The following ERVV-2 variants were observed in gnomAD, a reference collection of about 807,000 sequenced individuals.
The protein encoded by ERVV-2 is endogenous retrovirus group V member 2, envelope.
For synonymous variants in ERVV-2, 105 were observed against 184.6 expected (o/e 0.57, Z 3.49); for missense variants, 291 against 495.1 (o/e 0.59, Z 3.91).
chr19:53,048,748 T>C (rs1356082924), intron 1 of ERVV-2, 119 bp from the exon 2 acceptor site: 1 of 188,776 alleles, frequency 5.3e-6, no homozygotes, highest in Non-Finnish European at 1.1e-5. Flanking sequence ...CTCTTGACCC[T>C]TTCAGGAATC....
rs572560166 is a variant in ERVV-2, at chr19:53,050,489, G to A, written c.1238G>A (p.Ser413Asn). 4.2e-6 allele frequency: 3 copies of A among 721,634 alleles called. No homozygotes were observed. The East Asian group carries it at 8.0e-5, about 19-fold the overall frequency. The allele number at this position is 721,634 out of a possible 1,614,324, so 44.7% of individuals were successfully genotyped here. ...TCCTGTTGCGTTTATGTCAATAACA[G>A]TGGGGCGATAGAGGAGGATATAAAA... is the stretch of plus-strand genomic sequence containing the variant. ...NKSCCVYVNN[S>N]GAIEEDIKKI... The change falls in exon 2 of 2, where the codon AGT becomes AAT. Residue 413 changes from serine to asparagine, a missense_variant. By Grantham distance (46) the Ser-to-Asn change is conservative. Coordinates refer to ENST00000601417, the MANE Select transcript of ERVV-2 (RefSeq NM_001191055.2).
intron 1 of ERVV-2, among the ~76,000 whole-genome samples, chr19:53,045,316 G>C (rs59255996): frequency 0.35 from 53,209 of 150,466 alleles, 7,770 homozygotes; most frequent in Middle Eastern, 0.45. Context: ...TTTTTTGTGG[G>C]GGGGAGGACA....
Position 53,049,100 on chromosome 19 carries a change from T to G in ERVV-2, c.-152T>G, listed in dbSNP as rs1179092750. ...ATCTTGGTTGCGGTGGCATTGGTTC[T>G]TCTCCTTATTTTGACCCAACTGGCA... is the stretch of plus-strand genomic sequence containing the variant. On this transcript the variant is annotated 5_prime_UTR_variant, in exon 2 of 2. Transcript: ENST00000601417. 4 of 791,316 alleles carry G rather than the reference T, an allele frequency of 5.1e-6. No homozygotes were observed. Among genetic ancestry groups the G allele is most frequent in the Non-Finnish European group, 7.7e-6 (4 of 518,586 alleles). 49.0% of individuals were successfully genotyped at this position (791,316 alleles called of 1,614,324 possible). A position where few individuals can be genotyped will look rare whatever the true frequency, so the allele number is the denominator to read the frequency against.
At position 53,051,123 on chromosome 19, in the gene ERVV-2, G is replaced by C; in HGVS notation, c.*264G>C. Reference sequence around the variant, plus strand: ...AGCACTTCTCTAATAACCCATCCTAGAACAGCCTTTTGCTTTTTTTTTTTT... The same window carrying C: ...AGCACTTCTCTAATAACCCATCCTACAACAGCCTTTTGCTTTTTTTTTTTT... On this transcript the variant is annotated 3_prime_UTR_variant, in exon 2 of 2. Transcript: ENST00000601417. 2.7e-5 allele frequency: 6 copies of C among 223,696 alleles called. No individual in the cohort carries two copies. Among genetic ancestry groups the C allele is most frequent in the Non-Finnish European group, 1.6e-5 (2 of 125,250 alleles). 13.9% of individuals were successfully genotyped at this position (223,696 alleles called of 1,614,324 possible).
chr19:53,050,501 A>G lies in ERVV-2; in HGVS notation c.1250A>G (p.Glu417Gly), dbSNP rs546773173. The G allele has an allele frequency of 1.9e-4, 137 of 723,212 alleles. 1 individual carries two copies. The East Asian group carries it at 2.9e-3, about 15-fold the overall frequency. 44.8% of individuals were successfully genotyped at this position (723,212 alleles called of 1,614,324 possible). The change falls in exon 2 of 2, where the codon GAG (glutamate) becomes GGG (glycine). Residue 417 changes from glutamate to glycine, a missense_variant. Glu to Gly is a moderately conservative substitution (Grantham distance 98). Coordinates refer to ENST00000601417, the MANE Select transcript of ERVV-2 (RefSeq NM_001191055.2). ...CVYVNNSGAIEEDIKKIYDEA... is the reference protein window; with the variant it reads ...CVYVNNSGAIGEDIKKIYDEA... ...TATGTCAATAACAGTGGGGCGATAG[A>G]GGAGGATATAAAAAAGATCTATGAT...
intron 1 of ERVV-2, among the ~76,000 whole-genome samples, chr19:53,047,055 C>T (rs1051749607): frequency 1.9e-4 from 29 of 152,010 alleles, no homozygotes; most frequent in African/African-American, 6.3e-4. Flanking sequence ...GCTATTCAGG[C>T]GGCTGAGGCA....
intron 1 of ERVV-2, among the ~76,000 whole-genome samples, chr19:53,047,788 C>A (rs1192289485): frequency 6.6e-6 from 1 of 152,176 alleles, no homozygotes; most frequent in Admixed American, 6.5e-5. Context: ...ATCTTTATAT[C>A]CCAGGATTCC....
At position 53,050,961 on chromosome 19, in the gene ERVV-2, G is replaced by C; in HGVS notation, c.*102G>C. On this transcript the variant is annotated 3_prime_UTR_variant, in exon 2 of 2. Coordinates refer to ENST00000601417, the MANE Select transcript of ERVV-2 (RefSeq NM_001191055.2). ...GTCCTTACAACCAGAGCTTTTCAGG[G>C]TCTCCATCTCTTGAGGAGGGAAATA... The C allele has an allele frequency of 8.7e-7, 1 of 1,145,132 alleles. No individual in the cohort carries two copies. The highest frequency in any genetic ancestry group is 1.2e-6 in the Non-Finnish European group (1 of 836,252). 70.9% of individuals were successfully genotyped at this position (1,145,132 alleles called of 1,614,324 possible).
intron 1 of ERVV-2, among the ~76,000 whole-genome samples, chr19:53,046,239 G>T (rs1160454340): frequency 6.6e-6 from 1 of 151,928 alleles, no homozygotes; most frequent in African/African-American, 2.4e-5. Flanking sequence ...TCCAGCCTGG[G>T]CAACAAGAGC....
chr19:53,048,285 A>G (rs922268871), intron 1 of ERVV-2, among the ~76,000 whole-genome samples: 2 of 152,082 alleles, frequency 1.3e-5, no homozygotes, highest in Non-Finnish European at 2.9e-5. Context: ...GAGGCAGGAG[A>G]ATCACTTGAA....
rs2083904781 is a variant in ERVV-2 at position 53,049,813 on chromosome 19, G to A, written c.562G>A (p.Gly188Arg). The A allele has an allele frequency of 6.5e-7, 1 of 1,534,076 alleles. No homozygotes were observed. Among genetic ancestry groups the A allele is most frequent in the Admixed American group, 2.0e-5 (1 of 50,484 alleles). The change falls in exon 2 of 2, where the codon GGA becomes AGA. Residue 188 changes from glycine to arginine, a missense_variant. Coordinates refer to ENST00000601417, the MANE Select transcript of ERVV-2 (RefSeq NM_001191055.2). The part of the protein sequence containing the change: ...SPQNRCAAWE[G>R]KELITWRVLY... The stretch of plus-strand genomic sequence containing the variant: ...CCAAAACCGCTGTGCAGCTTGGGAA[G>A]GAAAAGAGCTAATCACATGGAGGGT...
rs957273513 is a variant in ERVV-2 at position 53,050,290 on chromosome 19, G to A, written c.1039G>A (p.Val347Ile). 2.7e-4 allele frequency: 197 copies of A among 727,502 alleles called. No homozygotes were observed. Among genetic ancestry groups the A allele is most frequent in the Admixed American group, 6.1e-4 (30 of 49,538 alleles). 45.1% of individuals were successfully genotyped at this position (727,502 alleles called of 1,614,324 possible). ...ATGGGGAGGGTTCACTTATCATGAT[G>A]TCACCCTCAGAAATCTCTCCAGACA... ...APWGGFTYHDVTLRNLSRQID... is the reference protein window; with the variant it reads ...APWGGFTYHDITLRNLSRQID... Residue 347 changes from valine (V) to isoleucine (I), a missense_variant, in exon 2 of 2, where the codon GTC becomes ATC. Val to Ile is a conservative substitution (Grantham distance 29, BLOSUM62 3). Coordinates refer to ENST00000601417, the MANE Select transcript of ERVV-2 (RefSeq NM_001191055.2).
In ERVV-2 at chr19:53,048,917, C is replaced by A. The variant is rs1195322579; in HGVS notation, c.-335C>A. On this transcript the variant is annotated 5_prime_UTR_variant, in exon 2 of 2. It adds an upstream start codon to the 5' untranslated region. Transcript: ENST00000601417. ...TTGGATACATCAGTCTCAAGTGAAA[C>A]TGTGGGAAGGTCCCGAAGAACCACA... 4.2e-6 allele frequency: 2 copies of A among 475,006 alleles called. No individual in the cohort carries two copies. The highest frequency in any genetic ancestry group is 8.8e-5 in the East Asian group (2 of 22,662). 29.4% of individuals were successfully genotyped at this position (475,006 alleles called of 1,614,324 possible). A position where few individuals can be genotyped will look rare whatever the true frequency, so the allele number is the denominator to read the frequency against.
At chr19:53,048,541 G>T (rs1200121888) in intron 1 of ERVV-2, among the ~76,000 whole-genome samples, 1 of 151,672 alleles carries the variant, frequency 6.6e-6, no homozygotes, top group Non-Finnish European at 1.5e-5. Flanking sequence ...TGGGCATGCT[G>T]GTACATGCCT....
At chr19:53,047,414 C>T (rs942937933) in intron 1 of ERVV-2, among the ~76,000 whole-genome samples, 23 of 152,198 alleles carry the variant, frequency 1.5e-4, no homozygotes, top group African/African-American at 5.1e-4. Flanking sequence ...GGGCTTCCTG[C>T]AGAACCAAGG....
rs898334756 is a variant in ERVV-2, at chr19:53,050,472, C to T, written c.1221C>T (p.Cys407=). 2.4e-5 allele frequency: 17 copies of T among 722,428 alleles called. No individual in the cohort carries two copies. The highest frequency in any genetic ancestry group is 2.3e-4 in the Middle Eastern group (1 of 4,436). The allele number at this position is 722,428 out of a possible 1,614,324, so 44.8% of individuals were successfully genotyped here. ...GTGCAGTGATCAATAAATCCTGTTGCGTTTATGTCAATAACAGTGGGGCGA... is the reference window on the plus strand; with the variant it reads ...GTGCAGTGATCAATAAATCCTGTTGTGTTTATGTCAATAACAGTGGGGCGA... ...GVCAVINKSC[C]VYVNNSGAIE... The change falls in exon 2 of 2, where the codon TGC becomes TGT. Residue 407 remains cysteine, a synonymous_variant. Transcript: ENST00000601417.
At chr19:53,047,263 G>A (rs896276843) in intron 1 of ERVV-2, among the ~76,000 whole-genome samples, 1 of 151,834 alleles carries the variant, frequency 6.6e-6, no homozygotes, top group Admixed American at 6.6e-5. Context: ...CAGAAGAATC[G>A]CTTGAACCCA....
At chr19:53,048,656 CAA>C (rs2083899809) in intron 1 of ERVV-2, among the ~76,000 whole-genome samples, 1 of 77,572 alleles carries the variant, frequency 1.3e-5, no homozygotes, top group African/African-American at 5.6e-5. Context: ...GCCTGGGCGA[CAA>C]GAGCAAAATT....
chr19:53,047,641 C>T (rs1341860093), intron 1 of ERVV-2, among the ~76,000 whole-genome samples: 1 of 152,168 alleles, frequency 6.6e-6, no homozygotes, highest in African/African-American at 2.4e-5. Flanking sequence ...ACACTTCACC[C>T]TTGCAGGGAG....
Sources: allele counts gnomAD v4.1 joint callset (sites outside exome capture counted in the v4.1 genomes callset), GRCh38; gene constraint gnomAD v4.1.1; transcripts MANE v1.5; gene names NCBI Gene and HGNC (gene_info 2026-07-23, HGNC 2026-07-21).